Variants in CDC42SE2 observed in about 807,000 individuals in gnomAD.
CDC42SE2 encodes the protein CDC42 small effector 2.
Under a neutral mutation model 11.5 loss-of-function variants are expected in CDC42SE2, and 3 were observed. The ratio of observed to expected loss-of-function variants is 0.26; its 90% CI spans 0.12 to 0.67. The LOEUF (loss-of-function observed/expected upper bound fraction) is 0.67. Among genes scored for constraint, CDC42SE2 ranks in the 30% least tolerant of loss-of-function variants. The pLI, the probability that CDC42SE2 is intolerant of heterozygous loss-of-function variation, is 0.80. For missense variants in CDC42SE2, 82 were observed against 106.8 expected, an observed-to-expected ratio of 0.77 and a Z score of 1.02; for synonymous variants, 33 against 34.8, an observed-to-expected ratio of 0.95 and a Z score of 0.18.
chr5:131,237,426 G>A, the CDC42SE2 span, among the ~76,000 whole-genome samples: 7 of 151,864 alleles, frequency 4.6e-5, no homozygotes, highest in Non-Finnish European at 7.4e-5. Context: ...TGTTCTTCTG[G>A]GTTGCCTTTC....
intron 2 of CDC42SE2, among the ~76,000 whole-genome samples, chr5:131,352,872 C>T (rs1749387532): frequency 6.6e-6 from 1 of 152,154 alleles, no homozygotes; most frequent in South Asian, 2.1e-4. Flanking sequence ...TTTACCAGTT[C>T]TTCCAAAGTT....
chr5:131,340,468 T>C (rs1758685440), intron 2 of CDC42SE2, among the ~76,000 whole-genome samples: 1 of 152,180 alleles, frequency 6.6e-6, no homozygotes, highest in African/African-American at 2.4e-5. Context: ...TTATCTTTCA[T>C]GGTTAAGAGG....
At chr5:131,277,233 T>A (rs547593420) in intron 1 of CDC42SE2, among the ~76,000 whole-genome samples, 112 of 152,320 alleles carry the variant, frequency 7.4e-4, no homozygotes, top group Admixed American at 1.4e-3. Flanking sequence ...ATTAATGAGA[T>A]CCTTGTTTCT....
intron 1 of CDC42SE2, among the ~76,000 whole-genome samples, chr5:131,247,519 T>A (rs1452072544): frequency 1.3e-5 from 2 of 152,010 alleles, no homozygotes; most frequent in Middle Eastern, 3.4e-3. Context: ...CTTGGGAGGC[T>A]GAGGCAAGAG....
chr5:131,372,805 C>A (rs1229186622), intron 3 of CDC42SE2, among the ~76,000 whole-genome samples: 2 of 151,994 alleles, frequency 1.3e-5, no homozygotes, highest in African/African-American at 4.8e-5. Flanking sequence ...TTAATTGAAT[C>A]CCTGCAAATG....
At chr5:131,313,572 G>T (rs1227742364) in intron 1 of CDC42SE2, among the ~76,000 whole-genome samples, 1 of 152,090 alleles carries the variant, frequency 6.6e-6, no homozygotes, top group Non-Finnish European at 1.5e-5. Flanking sequence ...TGTTGAGAAA[G>T]CTATCCTTTC....
Position 131,369,716 on chromosome 5 carries a change from G to A in CDC42SE2, c.54+10169G>A, listed in dbSNP as rs181659848. On this transcript the variant is annotated intron_variant, in intron 3 of 4. Transcript: ENST00000505065. ...CTTATTAATAGGTTGTGAGCTTCAGGATTATGCACAAATTAGAGATTTATT... is the reference window on the plus strand; with the variant it reads ...CTTATTAATAGGTTGTGAGCTTCAGAATTATGCACAAATTAGAGATTTATT... Among the ~76,000 whole-genome samples, 155 of 152,240 alleles carry A rather than the reference G, an allele frequency of 1.0e-3. 2 individuals carry two copies. Among genetic ancestry groups the A allele is most frequent in the Non-Finnish European group, 4.4e-5 (3 of 68,008 alleles).
intron 3 of CDC42SE2, among the ~76,000 whole-genome samples, chr5:131,367,104 A>G (rs1749881824): frequency 6.6e-6 from 1 of 151,464 alleles, no homozygotes; most frequent in African/African-American, 2.4e-5. Context: ...AATCAAATAT[A>G]TATGTGTGTG....
intron 2 of CDC42SE2, among the ~76,000 whole-genome samples, chr5:131,332,004 A>C (rs1471754556): frequency 6.6e-6 from 1 of 152,226 alleles, no homozygotes; most frequent in Non-Finnish European, 1.5e-5. Context: ...TTTAGGGTAC[A>C]TGTGCACAAC....
chr5:131,211,244 C>T, the CDC42SE2 span, among the ~76,000 whole-genome samples: 6 of 152,204 alleles, frequency 3.9e-5, no homozygotes, highest in African/African-American at 1.2e-4. Context: ...ATTCACTACT[C>T]TCCTCAGTTG....
intron 2 of CDC42SE2, among the ~76,000 whole-genome samples, chr5:131,342,333 AGTT>A (rs1758730594): frequency 6.6e-6 from 1 of 150,646 alleles, no homozygotes; most frequent in Non-Finnish European, 1.5e-5. Context: ...AGTTAAAAAC[AGTT>A]CCCACTAAGA....
At chr5:131,345,496 A>G (rs1450173112) in intron 2 of CDC42SE2, among the ~76,000 whole-genome samples, 1 of 152,238 alleles carries the variant, frequency 6.6e-6, no homozygotes, top group Admixed American at 6.5e-5. Context: ...ATATGGGTCT[A>G]TGTGAAAAGA....
chr5:131,218,623 A>G, the CDC42SE2 span, among the ~76,000 whole-genome samples: 10 of 136,340 alleles, frequency 7.3e-5, no homozygotes, highest in Non-Finnish European at 1.5e-4. Flanking sequence ...TCACATGACT[A>G]ATACGTAGAA....
intron 1 of CDC42SE2, among the ~76,000 whole-genome samples, chr5:131,268,754 C>CTTTTTTTT (rs11370516): frequency 1.0e-5 from 1 of 96,892 alleles, no homozygotes. Context: ...ACCCGGATTG[C>CTTTTTTTT]TTTTTTTTTT....
At chr5:131,358,109 CATG>C (rs1749604418) in intron 2 of CDC42SE2, among the ~76,000 whole-genome samples, 1 of 152,206 alleles carries the variant, frequency 6.6e-6, no homozygotes, top group Non-Finnish European at 1.5e-5. Flanking sequence ...CTTTGCTTGT[CATG>C]ATACCGTTTT....
chr5:131,327,248 C>G (rs137860893), intron 2 of CDC42SE2, among the ~76,000 whole-genome samples: 3 of 152,146 alleles, frequency 2.0e-5, no homozygotes, highest in African/African-American at 7.2e-5. Flanking sequence ...TTTAAAATGG[C>G]TTTTTCTTCC....
intron 2 of CDC42SE2, among the ~76,000 whole-genome samples, chr5:131,353,826 T>G (rs1426438989): frequency 6.6e-6 from 1 of 151,926 alleles, no homozygotes; most frequent in African/African-American, 2.4e-5. Flanking sequence ...GCATGAGAAT[T>G]GTTTGAACCT....
chr5:131,344,957 T>G (rs1758803529), intron 2 of CDC42SE2, among the ~76,000 whole-genome samples: 1 of 152,106 alleles, frequency 6.6e-6, no homozygotes. Flanking sequence ...GAAGGAAAAC[T>G]AACAAACAGA....
intron 3 of CDC42SE2, among the ~76,000 whole-genome samples, chr5:131,379,018 C>T (rs950479861): frequency 5.3e-5 from 8 of 152,198 alleles, no homozygotes; most frequent in African/African-American, 1.9e-4. Flanking sequence ...CCCCAAGACA[C>T]AATTTGGAAA....
Sources: allele counts gnomAD v4.1 joint callset (sites outside exome capture counted in the v4.1 genomes callset), GRCh38; gene constraint gnomAD v4.1.1; transcripts MANE v1.5; gene names NCBI Gene and HGNC (gene_info 2026-07-23, HGNC 2026-07-21).